The following ABI2 variants were observed in gnomAD, a reference collection of about 807,000 sequenced individuals.
ABI2 encodes abl interactor 2.
In ABI2, 25 loss-of-function variants were observed where a neutral mutation model predicts 59.2. The ratio of observed to expected loss-of-function variants is 0.42; its 90% CI spans 0.31 to 0.59. The LOEUF (loss-of-function observed/expected upper bound fraction) is 0.59, where lower values mean the gene tolerates loss of function less well. Among genes scored for constraint, ABI2 ranks in the 20% least tolerant of loss-of-function variants. ABI2 has a pLI of 0.14. For synonymous variants in ABI2, 213 were observed against 235.5 expected (o/e 0.90, Z 0.87); for missense variants, 545 against 681.8 (o/e 0.80, Z 2.23).
chr2:203,328,878 C>T, intron 1 of ABI2: 1 of 309,222 alleles, frequency 3.2e-6, no homozygotes, highest in Non-Finnish European at 5.9e-6. Context: ...CGTCCCGCCT[C>T]CTCGCCGCTC....
chr2:203,364,088 C>A (rs2093977889), intron 1 of ABI2, among the ~76,000 whole-genome samples: 1 of 148,274 alleles, frequency 6.7e-6, no homozygotes, highest in Non-Finnish European at 1.5e-5. Context: ...TTTGTCCATT[C>A]ATCTTTTTTT....
intron 1 of ABI2, chr2:203,342,308 TAATG>T (rs913626427): frequency 2.0e-5 from 9 of 439,722 alleles, no homozygotes; most frequent in African/African-American, 1.8e-4. Context: ...AATTTTGAAT[TAATG>T]GAGTTGAACT....
rs16839728 is a variant in ABI2, at chr2:203,375,280, T to C, written c.286-4928T>C. On this transcript the variant is annotated intron_variant, in intron 2 of 11. Coordinates refer to ENST00000261018, the MANE Select transcript of ABI2 (RefSeq NM_001375670.1). ...TAATGGGATCTGTAGCAAACAATAATTATATTAATTGTGTATTTGAATTAG... is the reference window on the plus strand; with the variant it reads ...TAATGGGATCTGTAGCAAACAATAACTATATTAATTGTGTATTTGAATTAG... Among the ~76,000 whole-genome samples the C allele has an allele frequency of 5.4e-3, 815 of 152,304 alleles. 9 individuals are homozygous for C. Among genetic ancestry groups the C allele is most frequent in the African/African-American group, 0.018 (740 of 41,568 alleles).
rs541018643 is a variant in ABI2 at position 203,371,376 on chromosome 2, A to G, written c.285+4332A>G. ...AATAACCCACTCTTTCTAAATGTCA[A>G]ATGTTTTCAAAAACAAGATATTAAT... On this transcript the variant is annotated intron_variant, in intron 2 of 11. Transcript: ENST00000261018. 1.3e-4 allele frequency among the ~76,000 whole-genome samples: 20 copies of G among 152,364 alleles called. No individual in the cohort carries two copies. The East Asian group carries it at 2.5e-3, about 19-fold the overall frequency.
intron 11 of ABI2, among the ~76,000 whole-genome samples, chr2:203,421,138 AT>A (rs1280439439): frequency 6.6e-6 from 1 of 152,192 alleles, no homozygotes; most frequent in Non-Finnish European, 1.5e-5. Context: ...CCATCTACTT[AT>A]GTAACTTTTT....
chr2:203,334,619 T>G (rs906197545), intron 1 of ABI2, among the ~76,000 whole-genome samples: 1 of 152,108 alleles, frequency 6.6e-6, no homozygotes, highest in African/African-American at 2.4e-5. Flanking sequence ...TAGACACCAT[T>G]TGACTCTACC....
chr2:203,355,860 C>T (rs985906935), intron 1 of ABI2, among the ~76,000 whole-genome samples: 23 of 147,936 alleles, frequency 1.6e-4, no homozygotes, highest in Non-Finnish European at 3.0e-4. Context: ...AACACCCCAC[C>T]AAGAAACCCC....
rs114110905 is a variant in ABI2, at chr2:203,394,875, G to A, written c.725+29G>A. 2.8e-4 allele frequency: 450 copies of A among 1,610,182 alleles called. 1 individual carries two copies. In the African/African-American group the frequency reaches 5.7e-3, roughly 20 times the overall value. On this transcript the variant is annotated intron_variant, in intron 6 of 11. Transcript: ENST00000261018. ...TTTTCTCTACCTCAGTGCAAAATGT[G>A]ATGGTCATAGTACCATAATCTGTTC...
At chr2:203,339,302 G>A (rs549938640) in intron 1 of ABI2, among the ~76,000 whole-genome samples, 6 of 151,654 alleles carry the variant, frequency 4.0e-5, no homozygotes, top group Non-Finnish European at 4.4e-5. Context: ...GGTTCCGGCC[G>A]GGTGTGGTGG....
chr2:203,375,978 C>T (rs891881748), intron 2 of ABI2: 31 of 1,146,902 alleles, frequency 2.7e-5, no homozygotes, highest in Non-Finnish European at 3.6e-5. Context: ...GGCAAGAATG[C>T]AAATTATACC....
At chr2:203,384,791 A>G (rs1344142511) in intron 4 of ABI2, among the ~76,000 whole-genome samples, 1 of 151,466 alleles carries the variant, frequency 6.6e-6, no homozygotes, top group Non-Finnish European at 1.5e-5. Flanking sequence ...CTTTTAATGT[A>G]TTATTTCAGT....
At chr2:203,342,552 T>TTTATTTATTTA (rs2080587156) in intron 1 of ABI2, among the ~76,000 whole-genome samples, 1 of 140,398 alleles carries the variant, frequency 7.1e-6, no homozygotes, top group South Asian at 2.4e-4. Flanking sequence ...CCTCAAAACC[T>TTTATTTATTTA]TTTATTTATT....
chr2:203,356,896 G>A (rs1022874378), intron 1 of ABI2, among the ~76,000 whole-genome samples: 4 of 151,586 alleles, frequency 2.6e-5, no homozygotes, highest in African/African-American at 7.3e-5. Context: ...TTATGCTTAC[G>A]TATGGTACAG....
chr2:203,368,865 G>A (rs1243990849), intron 2 of ABI2, among the ~76,000 whole-genome samples: 1 of 151,746 alleles, frequency 6.6e-6, no homozygotes, highest in East Asian at 1.9e-4. Flanking sequence ...TTCCCAGGCT[G>A]GAGTATAGTT....
intron 11 of ABI2, among the ~76,000 whole-genome samples, chr2:203,425,236 T>C (rs943399576): frequency 1.6e-4 from 24 of 152,106 alleles, no homozygotes; most frequent in Non-Finnish European, 2.9e-4. Context: ...TTATTTTTCT[T>C]TTTTGAGACA....
intron 8 of ABI2, among the ~76,000 whole-genome samples, chr2:203,397,196 T>A (rs1444394429): frequency 6.6e-6 from 1 of 152,214 alleles, no homozygotes; most frequent in African/African-American, 2.4e-5. Context: ...TGTGTTTTTT[T>A]ATTGCTTGAA....
At chr2:203,369,655 T>C (rs1221556279) in intron 2 of ABI2, among the ~76,000 whole-genome samples, 1 of 152,176 alleles carries the variant, frequency 6.6e-6, no homozygotes, top group Non-Finnish European at 1.5e-5. Context: ...ATTAATAAAC[T>C]GGAAATTACA....
chr2:203,424,365 G>T lies in ABI2; in HGVS notation c.1454-2812G>T, dbSNP rs1038022568. Among the ~76,000 whole-genome samples the T allele has an allele frequency of 3.3e-5, 5 of 152,248 alleles. No homozygotes were observed. The East Asian group carries it at 9.6e-4, about 29-fold the overall frequency. ...TTCCCTGGAGTGAAGTAAACTACTG[G>T]TGTATATCTTTCCCTGGAGTGAAAA... is the stretch of plus-strand genomic sequence containing the variant. On this transcript the variant is annotated intron_variant, in intron 11 of 11. Coordinates refer to ENST00000261018, the MANE Select transcript of ABI2 (RefSeq NM_001375670.1).
intron 1 of ABI2, among the ~76,000 whole-genome samples, chr2:203,362,732 G>A (rs141537612): frequency 1.1e-3 from 164 of 152,086 alleles, no homozygotes; most frequent in Non-Finnish European, 2.0e-3. Context: ...TCTCCATGTC[G>A]GGCAGGCCGG....
Sources: gnomAD v4.1 joint callset for allele counts (sites outside exome capture counted in the v4.1 genomes callset) on GRCh38, gnomAD v4.1.1 for gene constraint, MANE v1.5 for transcripts, NCBI Gene and HGNC (gene_info 2026-07-23, HGNC 2026-07-21) for gene names.